Variants in ACTR3C observed in about 807,000 individuals in gnomAD.
The protein encoded by ACTR3C is actin-related protein 3C.
Under a neutral mutation model 26.3 loss-of-function variants are expected in ACTR3C, and 18 were observed. The ratio of observed to expected loss-of-function variants is 0.68; its 90% confidence interval spans 0.47 to 1.01. The LOEUF is 1.01. ACTR3C is among the 50% of genes least tolerant of loss of function. The probability of loss-of-function intolerance (pLI) is 0.00; values close to 1 mark genes in which losing one functional copy is unlikely to be tolerated. For synonymous variants in ACTR3C, 55 were observed against 94.5 expected (o/e 0.58, Z 2.42); for missense variants, 184 against 250.7 (o/e 0.73, Z 1.80).
the ACTR3C span, among the ~76,000 whole-genome samples, chr7:150,078,511 G>A: frequency 1.3e-5 from 2 of 149,558 alleles, no homozygotes; most frequent in Admixed American, 1.3e-4. Context: ...TTCTGTAGCC[G>A]AATGTAAAGT....
At chr7:150,118,639 G>A in the ACTR3C span, among the ~76,000 whole-genome samples, 1 of 144,500 alleles carries the variant, frequency 6.9e-6, no homozygotes, top group Non-Finnish European at 1.5e-5. Flanking sequence ...AGGAAGAATG[G>A]AACCAAGTTG....
the ACTR3C span, among the ~76,000 whole-genome samples, chr7:149,923,857 G>A: frequency 6.6e-6 from 1 of 151,588 alleles, no homozygotes; most frequent in African/African-American, 2.4e-5. Flanking sequence ...AATTAGCCAG[G>A]CATGGTGGTG....
chr7:149,886,156 G>T, the ACTR3C span, among the ~76,000 whole-genome samples: 1 of 152,102 alleles, frequency 6.6e-6, no homozygotes, highest in Non-Finnish European at 1.5e-5. Flanking sequence ...ATTTTATTCT[G>T]CCAGGATCTC....
At chr7:150,319,228 G>C (rs2129617561) in intron 1 of ACTR3C, among the ~76,000 whole-genome samples, 1 of 147,216 alleles carries the variant, frequency 6.8e-6, no homozygotes, top group South Asian at 2.1e-4. Context: ...TTTTGAGACA[G>C]AGTCTCACTC....
rs1249617512 is a variant in ACTR3C at position 150,249,019 on chromosome 7, G to A, written c.600C>T (p.His200=). Residue 200 remains histidine (H), a synonymous_variant, in exon 7 of 8, where the codon CAC becomes CAT. Transcript: ENST00000683684. The stretch of plus-strand genomic sequence containing the variant: ...ATGGAGGTGACAGAGGATGGAATCC[G>A]TGACCTTGAGGATAGCTCAGTGGAA... ...EQIPLSYPQG[H]GFHPLSPPFH The A allele has an allele frequency of 7.3e-6, 5 of 685,720 alleles. No individual in the cohort carries two copies. The highest frequency in any genetic ancestry group is 3.1e-5 in the South Asian group (2 of 63,992). The allele number at this position is 685,720 out of a possible 1,614,324, so 42.5% of individuals were successfully genotyped here. A position where few individuals can be genotyped will look rare whatever the true frequency, so the allele number is the denominator to read the frequency against.
chr7:149,949,395 GAA>G, the ACTR3C span, among the ~76,000 whole-genome samples: 2 of 31,398 alleles, frequency 6.4e-5, 1 homozygote, highest in African/African-American at 2.4e-4. Context: ...AGGAAGGAGG[GAA>G]GGAAGGAAGG....
chr7:149,955,047 G>A, the ACTR3C span, among the ~76,000 whole-genome samples: 1 of 152,210 alleles, frequency 6.6e-6, no homozygotes, highest in African/African-American at 2.4e-5. Context: ...GTGATCTTCA[G>A]CTACACTTCC....
At chr7:150,181,019 G>T in the ACTR3C span, among the ~76,000 whole-genome samples, 1 of 151,316 alleles carries the variant, frequency 6.6e-6, no homozygotes, top group African/African-American at 2.5e-5. Flanking sequence ...CAACAGAAGG[G>T]TTAATATATA....
the ACTR3C span, among the ~76,000 whole-genome samples, chr7:150,222,624 T>G: frequency 2.0e-5 from 3 of 152,200 alleles, no homozygotes; most frequent in Non-Finnish European, 2.9e-5. Context: ...AGAGGGCCCT[T>G]GAGATGGATT....
At chr7:150,133,505 G>A in the ACTR3C span, among the ~76,000 whole-genome samples, 4 of 152,132 alleles carry the variant, frequency 2.6e-5, no homozygotes, top group Non-Finnish European at 5.9e-5. Flanking sequence ...TGAGAGCTAA[G>A]TCACATATCA....
At chr7:150,082,625 T>A in the ACTR3C span, among the ~76,000 whole-genome samples, 1 of 152,166 alleles carries the variant, frequency 6.6e-6, no homozygotes, top group Non-Finnish European at 1.5e-5. Context: ...TGGATATGCA[T>A]AATAATGACA....
the ACTR3C span, among the ~76,000 whole-genome samples, chr7:149,912,726 C>T: frequency 3.9e-5 from 6 of 152,286 alleles, no homozygotes; most frequent in African/African-American, 1.4e-4. Flanking sequence ...TGGTCTCGAA[C>T]TCCTGACCTT....
chr7:150,035,904 CACCCTCGCGGGGG>C, the ACTR3C span, among the ~76,000 whole-genome samples: 2 of 137,760 alleles, frequency 1.5e-5, no homozygotes, highest in Non-Finnish European at 3.3e-5. Flanking sequence ...TCTCAGTCCC[CACCCTCGCGGGGG>C]GTGCCTCGCC....
At chr7:150,214,910 GT>G in the ACTR3C span, among the ~76,000 whole-genome samples, 20 of 152,114 alleles carry the variant, frequency 1.3e-4, no homozygotes, top group African/African-American at 4.6e-4. Flanking sequence ...TGAAAAAGAA[GT>G]AAAAATCCTG....
the ACTR3C span, among the ~76,000 whole-genome samples, chr7:150,038,460 C>T: frequency 7.0e-6 from 1 of 143,232 alleles, no homozygotes; most frequent in Non-Finnish European, 1.5e-5. Flanking sequence ...TTCAAAAGTT[C>T]CGGGTCCCCG....
the ACTR3C span, among the ~76,000 whole-genome samples, chr7:150,194,728 C>T: frequency 6.2e-3 from 942 of 152,144 alleles, 12 homozygotes; most frequent in African/African-American, 0.022. Flanking sequence ...CCCATGTTTA[C>T]ACATTTTATT....
chr7:150,240,969 A>G (rs1057066593), downstream of ACTR3C, among the ~76,000 whole-genome samples: 4 of 152,206 alleles, frequency 2.6e-5, no homozygotes, highest in African/African-American at 9.7e-5. Flanking sequence ...AATAGCATAA[A>G]ACTATTAGTA....
the ACTR3C span, among the ~76,000 whole-genome samples, chr7:150,007,486 C>T: frequency 6.6e-6 from 1 of 152,184 alleles, no homozygotes; most frequent in Non-Finnish European, 1.5e-5. Context: ...GATAATTGTG[C>T]TAGTGAAATC....
chr7:150,297,597 A>T (rs1795016748), intron 1 of ACTR3C, among the ~76,000 whole-genome samples: 2 of 152,256 alleles, frequency 1.3e-5, no homozygotes, highest in African/African-American at 4.8e-5. Flanking sequence ...CATGCCTGTA[A>T]TCCCAGCACT....
Sources: allele counts gnomAD v4.1 joint callset (sites outside exome capture counted in the v4.1 genomes callset), GRCh38; gene constraint gnomAD v4.1.1; transcripts MANE v1.5; gene names NCBI Gene and HGNC (gene_info 2026-07-23, HGNC 2026-07-21).